The following ZNF451 variants were observed in gnomAD, a reference collection of about 807,000 sequenced individuals.
The protein encoded by ZNF451 is E3 SUMO-protein ligase ZNF451.
A neutral mutation model predicts 107.1 loss-of-function variants in ZNF451; 80 were observed. The ratio of observed to expected loss-of-function variants is 0.75; its 90% confidence interval spans 0.62 to 0.90. The LOEUF is 0.90. ZNF451 is among the 40% of genes least tolerant of loss of function. ZNF451 has a pLI of 0.00. For synonymous variants in ZNF451, 362 were observed against 406.5 expected (o/e 0.89, Z 1.32); for missense variants, 1,107 against 1,236.2 (o/e 0.90, Z 1.57).
At chr6:57,130,513 C>T (rs958825327) in intron 5 of ZNF451, among the ~76,000 whole-genome samples, 2 of 151,990 alleles carry the variant, frequency 1.3e-5, no homozygotes, top group Non-Finnish European at 2.9e-5. Flanking sequence ...GGGAAAGATC[C>T]CTAGGTGGAT....
intron 13 of ZNF451, chr6:57,159,050 T>C: frequency 1.0e-6 from 1 of 985,496 alleles, no homozygotes. Context: ...TGTCTGCCTG[T>C]TGTTTCCTCA....
rs189626700 is a variant in ZNF451 at position 57,140,572 on chromosome 6, C to T, written c.703-730C>T. On this transcript the variant is annotated intron_variant, in intron 7 of 14. Coordinates refer to ENST00000370706, the MANE Select transcript of ZNF451 (RefSeq NM_001031623.3). ...TATACCCATTAGCCCTGTAGGGCCA[C>T]TCTTGAGAATAAGAAAAAAGCACCT... is the stretch of plus-strand genomic sequence containing the variant. Among the ~76,000 whole-genome samples the T allele has an allele frequency of 8.9e-4, 135 of 151,884 alleles. 2 individuals carry two copies. The highest frequency in any genetic ancestry group is 6.2e-3 in the South Asian group (30 of 4,814).
In ZNF451 at chr6:57,147,704, TAAC is replaced by T; in HGVS notation, c.1622_1624del (p.Thr541del). 1 of 1,614,012 alleles carries T rather than the reference TAAC, an allele frequency of 6.2e-7. No homozygotes were observed. The highest frequency in any genetic ancestry group is 8.5e-7 in the Non-Finnish European group (1 of 1,179,976). ...TGGTGTCGGACATGCAAAAAGGAGTTAACAAGGAAAGATACTATCATGGCACAT... is the reference window on the plus strand; with the variant it reads ...TGGTGTCGGACATGCAAAAAGGAGTTAAGGAAAGATACTATCATGGCACAT... On this transcript the variant is annotated inframe_deletion, in exon 10 of 15. Coordinates refer to ENST00000370706, the MANE Select transcript of ZNF451 (RefSeq NM_001031623.3).
chr6:57,101,425 C>T (rs757750716), intron 3 of ZNF451: 5 of 1,550,794 alleles, frequency 3.2e-6, no homozygotes, highest in South Asian at 1.2e-5. Context: ...GGACACCTCT[C>T]CTTTCCAACC....
At chr6:57,127,759 A>C (rs757085566) in intron 4 of ZNF451, among the ~76,000 whole-genome samples, 5 of 152,210 alleles carry the variant, frequency 3.3e-5, no homozygotes, top group African/African-American at 4.8e-5. Context: ...AGTCTTTTTA[A>C]AACTGCCTCA....
At chr6:57,129,056 G>A (rs1831061313) in intron 5 of ZNF451, among the ~76,000 whole-genome samples, 1 of 151,954 alleles carries the variant, frequency 6.6e-6, no homozygotes, top group Non-Finnish European at 1.5e-5. Flanking sequence ...AGCAATATAG[G>A]TCGTACCTGA....
intron 2 of ZNF451, among the ~76,000 whole-genome samples, chr6:57,094,061 A>G (rs1829173619): frequency 6.6e-6 from 1 of 152,224 alleles, no homozygotes; most frequent in Non-Finnish European, 1.5e-5. Flanking sequence ...CTACCTTTTT[A>G]GTAGACCATA....
intron 2 of ZNF451, among the ~76,000 whole-genome samples, chr6:57,098,122 A>C (rs1157373249): frequency 6.6e-6 from 1 of 150,574 alleles, no homozygotes; most frequent in Non-Finnish European, 1.5e-5. Flanking sequence ...GGCACGCACC[A>C]CCATGCCTGG....
intron 11 of ZNF451, chr6:57,151,188 C>A: frequency 5.8e-6 from 1 of 173,564 alleles, no homozygotes. Context: ...GGTGAAACCC[C>A]GTCTCTACTA....
At chr6:57,125,311 T>A (rs1830881066) in intron 4 of ZNF451, among the ~76,000 whole-genome samples, 1 of 152,196 alleles carries the variant, frequency 6.6e-6, no homozygotes, top group South Asian at 2.1e-4. Flanking sequence ...GAAGCAGGTT[T>A]GTAGATGAGC....
intron 6 of ZNF451, among the ~76,000 whole-genome samples, chr6:57,133,893 CT>C (rs1484826823): frequency 4.6e-5 from 7 of 152,190 alleles, no homozygotes; most frequent in Admixed American, 4.6e-4. Flanking sequence ...CCAAGCTGGT[CT>C]TGAACTCCTG....
intron 3 of ZNF451, chr6:57,100,670 T>C: frequency 1.3e-6 from 2 of 1,549,936 alleles, no homozygotes; most frequent in Non-Finnish European, 1.7e-6. Flanking sequence ...AGCTGCAATG[T>C]TCCTCTTCCC....
At position 57,110,775 on chromosome 6, in the gene ZNF451, A is replaced by G. The variant is rs1436318458; in HGVS notation, c.186+11634A>G. On this transcript the variant is annotated intron_variant, in intron 3 of 14. Transcript: ENST00000370706. ...GGTTCCTATCACCAGAACCCTCTCT[A>G]GGTGTTTCAGATAGGAAACTGGGTT... Among the ~76,000 whole-genome samples the G allele has an allele frequency of 2.6e-5, 4 of 152,266 alleles. No individual in the cohort carries two copies. The South Asian group carries it at 6.2e-4, about 24-fold the overall frequency.
intron 3 of ZNF451, chr6:57,105,914 GCTT>G (rs1251296020): frequency 5.1e-6 from 5 of 984,730 alleles, no homozygotes; most frequent in Non-Finnish European, 6.0e-6. Context: ...CCGTGTGGCA[GCTT>G]CTTTATCAAT....
intron 3 of ZNF451, among the ~76,000 whole-genome samples, chr6:57,113,958 T>G (rs573116590): frequency 2.8e-4 from 42 of 152,208 alleles, no homozygotes; most frequent in Non-Finnish European, 5.1e-4. Flanking sequence ...TAGAGCCAGT[T>G]CTGTCTGGCA....
intron 3 of ZNF451, among the ~76,000 whole-genome samples, chr6:57,109,878 C>CT (rs1830034218): frequency 6.6e-6 from 1 of 152,164 alleles, no homozygotes; most frequent in Non-Finnish European, 1.5e-5. Context: ...GTTTGTCAGA[C>CT]ATCTTTTTCA....
chr6:57,095,946 C>A (rs1309987902), intron 2 of ZNF451, among the ~76,000 whole-genome samples: 4 of 151,760 alleles, frequency 2.6e-5, no homozygotes, highest in African/African-American at 9.7e-5. Context: ...TCTTCGGCCT[C>A]CTGAGTAGCT....
At chr6:57,117,225 G>C (rs191544378) in intron 3 of ZNF451, among the ~76,000 whole-genome samples, 107 of 152,192 alleles carry the variant, frequency 7.0e-4, no homozygotes, top group African/African-American at 1.3e-3. Flanking sequence ...TACAGCTGTT[G>C]GTTGAGCATC....
intron 3 of ZNF451, chr6:57,104,682 T>C: frequency 1.0e-6 from 1 of 985,424 alleles, no homozygotes; most frequent in Non-Finnish European, 1.2e-6. Flanking sequence ...TGACTATATT[T>C]GCATTGTTGC....
Sources: allele counts gnomAD v4.1 joint callset (sites outside exome capture counted in the v4.1 genomes callset), GRCh38; gene constraint gnomAD v4.1.1; transcripts MANE v1.5; gene names NCBI Gene and HGNC (gene_info 2026-07-23, HGNC 2026-07-21).